NAALADL2: variants seen among roughly 807,000 people sequenced by gnomAD.
The protein encoded by NAALADL2 is inactive N-acetylated-alpha-linked acidic dipeptidase-like protein 2.
In NAALADL2, 76 loss-of-function variants were observed where a neutral mutation model predicts 87.2. The ratio of observed to expected loss-of-function variants is 0.87; its 90% CI spans 0.72 to 1.05. NAALADL2 has a LOEUF of 1.05. Among genes scored for constraint, NAALADL2 ranks in the 50% least tolerant of loss-of-function variants. The pLI, the probability that NAALADL2 is intolerant of heterozygous loss-of-function variation, is 0.00. For synonymous variants in NAALADL2, 354 were observed against 331.0 expected, an observed-to-expected ratio of 1.07 and a Z score of -0.75; for missense variants, 1,089 against 945.8, an observed-to-expected ratio of 1.15 and a Z score of -1.99.
At chr3:175,021,627 C>A (rs1751573440) in intron 1 of NAALADL2, among the ~76,000 whole-genome samples, 1 of 152,060 alleles carries the variant, frequency 6.6e-6, no homozygotes, top group African/African-American at 2.4e-5. Context: ...CACAATCTTA[C>A]CCTCATTTGC....
chr3:175,736,812 A>G (rs1259396319), intron 11 of NAALADL2, among the ~76,000 whole-genome samples: 3 of 152,338 alleles, frequency 2.0e-5, no homozygotes, highest in African/African-American at 4.8e-5. Context: ...ATCACAAGAC[A>G]AGTTAACTTG....
chr3:174,876,228 G>A (rs191007208), intron 1 of NAALADL2, among the ~76,000 whole-genome samples: 191 of 152,172 alleles, frequency 1.3e-3, no homozygotes, highest in African/African-American at 4.4e-3. Context: ...TAGCGAATAG[G>A]ATCTGAACTC....
chr3:175,489,420 A>G (rs1335560388), intron 9 of NAALADL2, among the ~76,000 whole-genome samples: 5 of 152,216 alleles, frequency 3.3e-5, no homozygotes, highest in African/African-American at 7.2e-5. Context: ...CCAGAATATT[A>G]GAAAGGGGAG....
At chr3:175,286,616 T>C (rs6765374) in intron 4 of NAALADL2, among the ~76,000 whole-genome samples, 77,304 of 151,684 alleles carry the variant, frequency 0.51, 20,460 homozygotes, top group African/African-American at 0.65. Context: ...GGAGGGTCTA[T>C]TTTATTCTCT....
chr3:175,504,344 G>A (rs1560667213), intron 9 of NAALADL2, among the ~76,000 whole-genome samples: 2 of 152,174 alleles, frequency 1.3e-5, no homozygotes, highest in Non-Finnish European at 2.9e-5. Flanking sequence ...GTGATGACAT[G>A]AATTTTGGGG....
intron 1 of NAALADL2, among the ~76,000 whole-genome samples, chr3:174,869,353 A>G (rs1427355734): frequency 6.6e-6 from 1 of 152,220 alleles, no homozygotes; most frequent in Non-Finnish European, 1.5e-5. Context: ...GGAGATAAAT[A>G]TAATTTTTCC....
chr3:175,315,626 C>T (rs909135854), intron 4 of NAALADL2, among the ~76,000 whole-genome samples: 2 of 152,072 alleles, frequency 1.3e-5, no homozygotes, highest in Middle Eastern at 3.2e-3. Flanking sequence ...CATATACATG[C>T]AGCAGCATAT....
chr3:174,473,648 G>A (rs950845290), intron 1 of NAALADL2, among the ~76,000 whole-genome samples: 1 of 152,092 alleles, frequency 6.6e-6, no homozygotes, highest in South Asian at 2.1e-4. Context: ...TTGAGAATAT[G>A]AAAGTTGGAA....
At chr3:174,889,968 A>C (rs1044362258) in intron 1 of NAALADL2, among the ~76,000 whole-genome samples, 1 of 152,110 alleles carries the variant, frequency 6.6e-6, no homozygotes, top group South Asian at 2.1e-4. Flanking sequence ...TTTCCCCTTC[A>C]ATGTTTCTTA....
chr3:174,556,016 C>T (rs1712771925), intron 2 of NAALADL2, among the ~76,000 whole-genome samples: 1 of 149,144 alleles, frequency 6.7e-6, no homozygotes, highest in South Asian at 2.1e-4. Flanking sequence ...TGTGCGCGCA[C>T]GTGAGTGTGT....
At chr3:175,348,332 A>T (rs995367407) in intron 5 of NAALADL2, among the ~76,000 whole-genome samples, 1 of 152,130 alleles carries the variant, frequency 6.6e-6, no homozygotes, top group African/African-American at 2.4e-5. Context: ...GGTTAGTTCT[A>T]TACATAAAAT....
At chr3:174,598,192 A>C (rs1186006797) in intron 2 of NAALADL2, among the ~76,000 whole-genome samples, 1 of 152,206 alleles carries the variant, frequency 6.6e-6, no homozygotes, top group East Asian at 1.9e-4. Flanking sequence ...AACATCATTT[A>C]AAATAAAGAT....
intron 1 of NAALADL2, among the ~76,000 whole-genome samples, chr3:174,498,449 A>G (rs781645161): frequency 2.0e-5 from 3 of 151,854 alleles, no homozygotes; most frequent in Non-Finnish European, 4.4e-5. Context: ...TTCCTTGTTA[A>G]TAAACATTTG....
At chr3:175,106,423 A>G (rs532974877) in intron 2 of NAALADL2, among the ~76,000 whole-genome samples, 1 of 152,202 alleles carries the variant, frequency 6.6e-6, no homozygotes, top group Admixed American at 6.6e-5. Context: ...AGAGCTAGTC[A>G]CATTTTTCTT....
chr3:175,105,739 G>C (rs988240154), intron 2 of NAALADL2, among the ~76,000 whole-genome samples: 7 of 132,018 alleles, frequency 5.3e-5, no homozygotes, highest in Non-Finnish European at 7.9e-5. Context: ...TACTAAAAAA[G>C]TTGATTTTGA....
At chr3:174,866,313 G>A (rs1200130097) in intron 1 of NAALADL2, among the ~76,000 whole-genome samples, 1 of 151,796 alleles carries the variant, frequency 6.6e-6, no homozygotes, top group Non-Finnish European at 1.5e-5. Flanking sequence ...TATTGACATA[G>A]ATGATTTTCC....
At position 174,853,201 on chromosome 3, in the gene NAALADL2, C is replaced by CAA. The variant is rs34303846; in HGVS notation, c.-9+115481_-9+115482dup. Among the ~76,000 whole-genome samples, 58 of 45,614 alleles carry CAA rather than the reference C, an allele frequency of 1.3e-3. 3 individuals are homozygous for CAA. The highest frequency in any genetic ancestry group is 4.1e-3 in the African/African-American group (46 of 11,258). The allele number at this position is 45,614 out of a possible 152,430, so 29.9% of individuals were successfully genotyped here. On this transcript the variant is annotated intron_variant, in intron 3 of 3. Coordinates refer to the NAALADL2 transcript ENST00000434257. ...CAACATGGTGAAACCCCGTCTCTAC[C>CAA]AAAAAAAAAAAAAAAAAAAAAAAAA... is the stretch of plus-strand genomic sequence containing the variant.
chr3:175,135,492 A>C (rs1728974929), intron 2 of NAALADL2, among the ~76,000 whole-genome samples: 1 of 152,224 alleles, frequency 6.6e-6, no homozygotes, highest in Non-Finnish European at 1.5e-5. Context: ...AGCTTATAGT[A>C]GGATTTTTTG....
At chr3:175,510,573 G>A (rs1731021025) in intron 9 of NAALADL2, among the ~76,000 whole-genome samples, 1 of 152,138 alleles carries the variant, frequency 6.6e-6, no homozygotes, top group South Asian at 2.1e-4. Flanking sequence ...TATTTATAAT[G>A]TGTTTTATAA....
Sources: gnomAD v4.1 joint callset for allele counts (sites outside exome capture counted in the v4.1 genomes callset) on GRCh38, gnomAD v4.1.1 for gene constraint, MANE v1.5 for transcripts, NCBI Gene and HGNC (gene_info 2026-07-23, HGNC 2026-07-21) for gene names.